The following EPHB2 variants were observed in gnomAD, a reference collection of about 807,000 sequenced individuals.
EPHB2 encodes the protein ephrin type-B receptor 2.
EPHB2 carries 18 observed loss-of-function variants against 96.4 expected under a neutral mutation model. The observed-to-expected ratio is 0.19, with a 90% CI of 0.13 to 0.28. EPHB2 has a LOEUF of 0.28. Ranked by LOEUF, EPHB2 falls within the 10% of genes least tolerant of loss-of-function variation. The probability of loss-of-function intolerance (pLI) is 1.00; values close to 1 mark genes in which losing one functional copy is unlikely to be tolerated. For missense variants in EPHB2, 989 were observed against 1,355.4 expected (o/e 0.73, Z 4.25); for synonymous variants, 506 against 534.1 (o/e 0.95, Z 0.72).
chr1:22,892,930 C>A lies in EPHB2; in HGVS notation c.1475C>A (p.Thr492Lys), dbSNP rs749185690. ...ACAGCCATAAAAAGCCCCACCAACA[C>A]GGTCACCGTGCAGGGCCTCAAAGCC... ...NATAIKSPTN[T>K]VTVQGLKAGA... Residue 492 changes from threonine (T) to lysine (K), a missense_variant, in exon 7 of 16, where the codon ACG becomes AAG. Transcript: ENST00000374630. 2 of 1,614,244 alleles carry A rather than the reference C, an allele frequency of 1.2e-6. No individual in the cohort carries two copies. The highest frequency in any genetic ancestry group is 2.2e-5 in the South Asian group (2 of 91,084).
intron 3 of EPHB2, among the ~76,000 whole-genome samples, chr1:22,801,967 G>A (rs564893769): frequency 3.3e-5 from 5 of 152,334 alleles, no homozygotes; most frequent in South Asian, 4.1e-4. Context: ...CTCCGAGCAC[G>A]CTCAGCCAAG....
intron 1 of EPHB2, among the ~76,000 whole-genome samples, chr1:22,774,222 C>T (rs1159917240): frequency 6.6e-6 from 1 of 152,140 alleles, no homozygotes; most frequent in Non-Finnish European, 1.5e-5. Context: ...GGCTCCTGGC[C>T]GGGACCAGCC....
chr1:22,842,009 C>T (rs1645476294), intron 3 of EPHB2, among the ~76,000 whole-genome samples: 1 of 152,128 alleles, frequency 6.6e-6, no homozygotes, highest in Non-Finnish European at 1.5e-5. Context: ...CAGCAGGGGT[C>T]CCATGGGGCC....
chr1:22,770,900 G>T (rs905652341), intron 1 of EPHB2, among the ~76,000 whole-genome samples: 18 of 151,930 alleles, frequency 1.2e-4, no homozygotes, highest in African/African-American at 3.9e-4. Context: ...GGATAGATGG[G>T]TGGGTGGGTA....
At chr1:22,781,636 C>T in intron 2 of EPHB2, 151 bp downstream of exon 2, 1 of 730,488 alleles carries the variant, frequency 1.4e-6, no homozygotes, top group Admixed American at 2.1e-5. Context: ...CAATCCCCTA[C>T]CATTGATGGA....
At chr1:22,761,758 C>A (rs552124163) in intron 1 of EPHB2, among the ~76,000 whole-genome samples, 4 of 152,328 alleles carry the variant, frequency 2.6e-5, no homozygotes, top group African/African-American at 9.6e-5. Context: ...GAAGCCTCCT[C>A]CCCGGCTCAT....
Position 22,892,891 on chromosome 1 carries a change from G to A in EPHB2, c.1436G>A (p.Ser479Asn), listed in dbSNP as rs759633255. 1.2e-6 allele frequency: 2 copies of A among 1,614,232 alleles called. No homozygotes were observed. Among genetic ancestry groups the A allele is most frequent in the Non-Finnish European group, 1.7e-6 (2 of 1,180,042 alleles). ...YELQYYEKEL[S>N]EYNATAIKSP... is the part of the protein sequence containing the mutation. The stretch of plus-strand genomic sequence containing the variant: ...TTCTCTGTTCCTCGGCAGGAGCTCA[G>A]TGAGTACAACGCCACAGCCATAAAA... Residue 479 changes from serine (S) to asparagine (N), a missense_variant, in exon 7 of 16, where the codon AGT becomes AAT. By Grantham distance (46) the Ser-to-Asn change is conservative. Transcript: ENST00000374630.
At chr1:22,824,892 A>G (rs977740327) in intron 3 of EPHB2, among the ~76,000 whole-genome samples, 41 of 152,380 alleles carry the variant, frequency 2.7e-4, no homozygotes, top group African/African-American at 9.9e-4. Context: ...CCAGGTTCCC[A>G]GGGGCATTGC....
chr1:22,714,520 G>T (rs1643242556), intron 1 of EPHB2, among the ~76,000 whole-genome samples: 1 of 152,180 alleles, frequency 6.6e-6, no homozygotes, highest in Non-Finnish European at 1.5e-5. Context: ...GGTGTTGAGG[G>T]CAGCAGTGGG....
intron 6 of EPHB2, among the ~76,000 whole-genome samples, chr1:22,889,091 G>T (rs1639313919): frequency 6.6e-6 from 1 of 152,128 alleles, no homozygotes; most frequent in Admixed American, 6.5e-5. Flanking sequence ...GGAGGTCGAG[G>T]CTGCAATGGG....
chr1:22,842,648 G>T (rs1441382673), intron 3 of EPHB2, among the ~76,000 whole-genome samples: 2 of 152,116 alleles, frequency 1.3e-5, no homozygotes, highest in Non-Finnish European at 2.9e-5. Flanking sequence ...TGGCCATGGG[G>T]CCCACAGTTT....
intron 1 of EPHB2, among the ~76,000 whole-genome samples, chr1:22,779,949 T>G (rs1644505628): frequency 6.6e-6 from 1 of 152,158 alleles, no homozygotes; most frequent in Non-Finnish European, 1.5e-5. Flanking sequence ...CACTGTGACC[T>G]TCTAGGTCTC....
intron 1 of EPHB2, among the ~76,000 whole-genome samples, chr1:22,763,162 G>A (rs940676872): frequency 3.3e-5 from 5 of 152,200 alleles, no homozygotes; most frequent in Non-Finnish European, 5.9e-5. Flanking sequence ...GTCTGGGCCT[G>A]TGCGAGCAGA....
intron 1 of EPHB2, among the ~76,000 whole-genome samples, chr1:22,743,945 G>T (rs1243839220): frequency 6.6e-6 from 1 of 152,192 alleles, no homozygotes; most frequent in Non-Finnish European, 1.5e-5. Context: ...TAATGACGCT[G>T]TTCTTATCTG....
chr1:22,719,407 G>C (rs140691673), intron 1 of EPHB2: 1 of 154,094 alleles, frequency 6.5e-6, no homozygotes, highest in Non-Finnish European at 1.5e-5. Context: ...TTACAGAAAA[G>C]TCCTGTTTCT....
At chr1:22,759,017 G>T (rs1312320036) in intron 1 of EPHB2, among the ~76,000 whole-genome samples, 1 of 151,982 alleles carries the variant, frequency 6.6e-6, no homozygotes, top group East Asian at 1.9e-4. Flanking sequence ...ATGGATGATG[G>T]GTGATGGGTG....
At chr1:22,743,581 G>A (rs545174554) in intron 1 of EPHB2, among the ~76,000 whole-genome samples, 2 of 152,062 alleles carry the variant, frequency 1.3e-5, no homozygotes, top group Non-Finnish European at 2.9e-5. Flanking sequence ...AGTGATTCTC[G>A]TGCCTCAGCC....
intron 1 of EPHB2, among the ~76,000 whole-genome samples, chr1:22,749,723 T>G (rs986183507): frequency 6.6e-6 from 1 of 152,128 alleles, no homozygotes; most frequent in Non-Finnish European, 1.5e-5. Flanking sequence ...CCGGAGCCAT[T>G]CATTCATTCA....
chr1:22,839,588 C>T (rs1326414902), intron 3 of EPHB2, among the ~76,000 whole-genome samples: 1 of 152,132 alleles, frequency 6.6e-6, no homozygotes, highest in Non-Finnish European at 1.5e-5. Flanking sequence ...GGTTAGGGGG[C>T]AGGGTGGTGG....
Sources: gnomAD v4.1 joint callset for allele counts (sites outside exome capture counted in the v4.1 genomes callset) on GRCh38, gnomAD v4.1.1 for gene constraint, MANE v1.5 for transcripts, NCBI Gene and HGNC (gene_info 2026-07-23, HGNC 2026-07-21) for gene names.